NOS1AP: variants seen among roughly 807,000 people sequenced by gnomAD.
NOS1AP encodes the protein nitric oxide synthase 1 adaptor protein, also known as carboxyl-terminal PDZ ligand of neuronal nitric oxide synthase protein.
NOS1AP carries 21 observed loss-of-function variants against 56.2 expected under a neutral mutation model. The ratio of observed to expected loss-of-function variants is 0.37; its 90% CI spans 0.26 to 0.54. The LOEUF is 0.54. NOS1AP is among the 20% of genes least tolerant of loss of function. The pLI, the probability that NOS1AP is intolerant of heterozygous loss-of-function variation, is 0.84. For missense variants in NOS1AP, 522 were observed against 657.8 expected, an observed-to-expected ratio of 0.79 and a Z score of 2.26; for synonymous variants, 270 against 274.6, an observed-to-expected ratio of 0.98 and a Z score of 0.17.
At chr1:162,235,829 A>G (rs183582986) in intron 2 of NOS1AP, among the ~76,000 whole-genome samples, 1 of 152,382 alleles carries the variant, frequency 6.6e-6, no homozygotes, top group East Asian at 1.9e-4. Flanking sequence ...TCATGCTCAC[A>G]TACATGCATC....
chr1:162,268,814 AAAC>A (rs1654501472), intron 2 of NOS1AP, among the ~76,000 whole-genome samples: 1 of 152,150 alleles, frequency 6.6e-6, no homozygotes, highest in Admixed American at 6.5e-5. Flanking sequence ...AAAAAGAAGA[AAAC>A]AAAAAATTAG....
intron 6 of NOS1AP, among the ~76,000 whole-genome samples, chr1:162,353,371 G>T (rs576211179): frequency 6.6e-6 from 1 of 152,050 alleles, no homozygotes; most frequent in East Asian, 1.9e-4. Flanking sequence ...CTGCCCCCGC[G>T]CCCGGCCAAA....
intron 2 of NOS1AP, among the ~76,000 whole-genome samples, chr1:162,197,149 G>A (rs1188987665): frequency 6.6e-6 from 1 of 152,194 alleles, no homozygotes; most frequent in African/African-American, 2.4e-5. Flanking sequence ...ACTGCTAATG[G>A]CATTGTCTTG....
intron 4 of NOS1AP, among the ~76,000 whole-genome samples, chr1:162,325,596 G>GGA (rs1656561226): frequency 6.6e-6 from 1 of 152,124 alleles, no homozygotes. Context: ...CCGAGACCAG[G>GGA]AGTCATGCTG....
intron 2 of NOS1AP, among the ~76,000 whole-genome samples, chr1:162,242,379 C>T (rs1341922578): frequency 6.6e-6 from 1 of 152,214 alleles, no homozygotes; most frequent in Non-Finnish European, 1.5e-5. Context: ...GGCCAGTCAA[C>T]TATTCCTCAC....
At chr1:162,208,515 C>A (rs1652241702) in intron 2 of NOS1AP, among the ~76,000 whole-genome samples, 2 of 152,166 alleles carry the variant, frequency 1.3e-5, no homozygotes, top group South Asian at 4.1e-4. Context: ...AACTTTATTA[C>A]CACCACCATT....
intron 4 of NOS1AP, among the ~76,000 whole-genome samples, chr1:162,301,955 T>C (rs1655677090): frequency 6.6e-6 from 1 of 152,248 alleles, no homozygotes; most frequent in South Asian, 2.1e-4. Flanking sequence ...GAAATACTCA[T>C]GCCAGGTACT....
intron 2 of NOS1AP, among the ~76,000 whole-genome samples, chr1:162,276,427 G>C (rs979916882): frequency 6.6e-6 from 1 of 151,838 alleles, no homozygotes; most frequent in Non-Finnish European, 1.5e-5. Flanking sequence ...GTGACTTGAT[G>C]ACCAGCACTG....
intron 2 of NOS1AP, among the ~76,000 whole-genome samples, chr1:162,186,120 G>C (rs1485633059): frequency 1.3e-5 from 2 of 152,172 alleles, no homozygotes; most frequent in Non-Finnish European, 2.9e-5. Context: ...TTCCTGGTGT[G>C]ATGGATCTAT....
chr1:162,321,463 G>A lies in NOS1AP; in HGVS notation c.345-11554G>A, dbSNP rs180821380. ...AAACCATCATTCTGAGCAAACTATC[G>A]CAAGGACAGAAAACCAAACACCACA... On this transcript the variant is annotated intron_variant, in intron 4 of 9. Transcript: ENST00000361897. Among the ~76,000 whole-genome samples, 607 of 152,088 alleles carry A rather than the reference G, an allele frequency of 4.0e-3. 5 individuals are homozygous for A. The highest frequency in any genetic ancestry group is 0.014 in the African/African-American group (569 of 41,470).
chr1:162,107,116 C>T (rs765196137), intron 1 of NOS1AP, among the ~76,000 whole-genome samples: 12 of 152,062 alleles, frequency 7.9e-5, no homozygotes, highest in Non-Finnish European at 1.0e-4. Flanking sequence ...GAGTGATTGT[C>T]ATGATATATT....
chr1:162,146,390 G>A (rs1337058), intron 1 of NOS1AP, among the ~76,000 whole-genome samples: 4,888 of 152,246 alleles, frequency 0.032, 196 homozygotes, highest in African/African-American at 0.086. Context: ...CACATGCACA[G>A]TTGGGGTCCT....
intron 1 of NOS1AP, among the ~76,000 whole-genome samples, chr1:162,118,404 C>T (rs1213279683): frequency 2.6e-5 from 4 of 152,210 alleles, no homozygotes; most frequent in African/African-American, 9.6e-5. Flanking sequence ...TGGCCTCCAG[C>T]TACATCCACG....
intron 4 of NOS1AP, among the ~76,000 whole-genome samples, chr1:162,332,372 T>C (rs955392417): frequency 1.3e-5 from 2 of 152,196 alleles, no homozygotes; most frequent in Non-Finnish European, 2.9e-5. Flanking sequence ...ATTTGCATTG[T>C]CTACGTGTAA....
intron 2 of NOS1AP, among the ~76,000 whole-genome samples, chr1:162,213,948 G>A (rs771679155): frequency 1.3e-5 from 2 of 152,238 alleles, no homozygotes; most frequent in South Asian, 2.1e-4. Context: ...CTTTATTCAA[G>A]CCTATTTAAT....
Position 162,070,113 on chromosome 1 carries a change from CG to C in NOS1AP, c.-61del. On this transcript the variant is annotated 5_prime_UTR_variant, in exon 1 of 10. Transcript: ENST00000361897. ...GCGCCCAGCTCCAGTCTCCCCTCCC[CG>C]GGGTCTCGCCAGCCCCTTCCTGCAG... 7.5e-7 allele frequency: 1 copy of C among 1,329,360 alleles called. No individual in the cohort carries two copies. The highest frequency in any genetic ancestry group is 2.3e-5 in the East Asian group (1 of 42,766). 82.3% of individuals were successfully genotyped at this position (1,329,360 alleles called of 1,614,324 possible). A position where few individuals can be genotyped will look rare whatever the true frequency, so the allele number is the denominator to read the frequency against.
chr1:162,120,434 G>A (rs376698478), intron 1 of NOS1AP, among the ~76,000 whole-genome samples: 2 of 152,170 alleles, frequency 1.3e-5, no homozygotes, highest in Non-Finnish European at 2.9e-5. Flanking sequence ...GAGAGAATTT[G>A]TATTAGTCCA....
chr1:162,194,860 A>G (rs376451710), intron 2 of NOS1AP, among the ~76,000 whole-genome samples: 2 of 152,190 alleles, frequency 1.3e-5, no homozygotes, highest in African/African-American at 4.8e-5. Flanking sequence ...TGGCACATTC[A>G]GTCCTGAAAA....
chr1:162,297,521 G>A (rs1316292684), intron 3 of NOS1AP, among the ~76,000 whole-genome samples: 1 of 152,134 alleles, frequency 6.6e-6, no homozygotes, highest in Non-Finnish European at 1.5e-5. Context: ...TGTGGTGTGT[G>A]AAAGAGAGCT....
Sources: gnomAD v4.1 joint callset for allele counts (sites outside exome capture counted in the v4.1 genomes callset) on GRCh38, gnomAD v4.1.1 for gene constraint, MANE v1.5 for transcripts, NCBI Gene and HGNC (gene_info 2026-07-23, HGNC 2026-07-21) for gene names.